UNC79: variants seen among roughly 807,000 people sequenced by gnomAD.
UNC79 encodes the protein unc-79 subunit of NALCN channel complex, also known as protein unc-79 homolog.
A neutral mutation model predicts 283.1 loss-of-function variants in UNC79; 37 were observed. The ratio of observed to expected loss-of-function variants is 0.13; its 90% CI spans 0.10 to 0.17. UNC79 has a LOEUF of 0.17. UNC79 is among the 10% of genes least tolerant of loss of function. The probability of loss-of-function intolerance (pLI) is 1.00; values close to 1 mark genes in which losing one functional copy is unlikely to be tolerated. For synonymous variants in UNC79, 1,107 were observed against 1,200.2 expected, an observed-to-expected ratio of 0.92 and a Z score of 1.61; for missense variants, 2,272 against 3,211.1, an observed-to-expected ratio of 0.71 and a Z score of 7.07.
intron 44 of UNC79, 196 bp from the exon 48 acceptor site, chr14:93,689,921 C>T (rs2140928687): frequency 1.7e-6 from 1 of 591,556 alleles, no homozygotes; most frequent in South Asian, 2.3e-5. Flanking sequence ...TCTCAAGAAG[C>T]TGAGATCCAG....
exon 26 of UNC79, chr14:93,603,410 C>A (rs2065655725): frequency 1.9e-6 from 3 of 1,613,586 alleles, no homozygotes; most frequent in Non-Finnish European, 2.5e-6. Context: ...ACCCTGACCT[C>A]CAAAATTCGT....
chr14:93,419,298 A>T (rs929768280), intron 1 of UNC79, among the ~76,000 whole-genome samples: 14 of 151,094 alleles, frequency 9.3e-5, no homozygotes, highest in South Asian at 4.3e-4. Context: ...CCTCCTGAGT[A>T]GCTGGGATTA....
rs1018355648 is a variant in UNC79 at position 93,690,080 on chromosome 14, C to T, written c.7086-37C>T. 5.6e-6 allele frequency: 9 copies of T among 1,603,344 alleles called. No homozygotes were observed. Among genetic ancestry groups the T allele is most frequent in the Non-Finnish European group, 6.8e-6 (8 of 1,172,812 alleles). ...GTTATGCACCCAATGAAACACAAAA[C>T]ATAAAATCATCTTTAACACTCCTTC... is the stretch of plus-strand genomic sequence containing the variant. On this transcript the variant is annotated intron_variant, in intron 44 of 48. Coordinates refer to ENST00000555664, the Ensembl canonical transcript of UNC79. The surrounding 1 kb of genome is among the most constrained non-coding windows in gnomAD (Gnocchi z 4.3).
chr14:93,651,925 T>A (rs963458838), intron 35 of UNC79, among the ~76,000 whole-genome samples: 2 of 145,748 alleles, frequency 1.4e-5, no homozygotes, highest in African/African-American at 5.0e-5. Flanking sequence ...TTTTTTTTTT[T>A]TTTTTTTTTT....
At chr14:93,559,083 T>C (rs2062383314) in intron 14 of UNC79, among the ~76,000 whole-genome samples, 1 of 152,214 alleles carries the variant, frequency 6.6e-6, no homozygotes, top group Non-Finnish European at 1.5e-5. Flanking sequence ...AATTTGTGAA[T>C]TGGGCAGCCC....
At chr14:93,506,730 T>C (rs1567021019) in intron 7 of UNC79, among the ~76,000 whole-genome samples, 1 of 152,210 alleles carries the variant, frequency 6.6e-6, no homozygotes, top group Admixed American at 6.5e-5. Context: ...CAGGCTTATC[T>C]CTCTTTTGTT....
At chr14:93,598,206 G>A (rs930832676) in intron 24 of UNC79, among the ~76,000 whole-genome samples, 5 of 151,866 alleles carry the variant, frequency 3.3e-5, no homozygotes, top group East Asian at 3.9e-4. Context: ...GCCCAGGCTC[G>A]TCTTGAACTC....
At chr14:93,390,261 G>A (rs2054858134) in intron 1 of UNC79, among the ~76,000 whole-genome samples, 1 of 152,098 alleles carries the variant, frequency 6.6e-6, no homozygotes, top group South Asian at 2.1e-4. Context: ...TTTGATAAAA[G>A]TCAACATATA....
At chr14:93,446,769 A>C (rs1196095474) in intron 1 of UNC79, among the ~76,000 whole-genome samples, 3 of 152,104 alleles carry the variant, frequency 2.0e-5, no homozygotes, top group Non-Finnish European at 4.4e-5. Flanking sequence ...ACTTAATTCT[A>C]TTTTTGTTAG....
chr14:93,530,831 C>A (rs1041882552), intron 10 of UNC79, among the ~76,000 whole-genome samples: 6 of 152,100 alleles, frequency 3.9e-5, no homozygotes, highest in African/African-American at 1.2e-4. Context: ...ATGGCGTGAA[C>A]CTTTGAGGCG....
At chr14:93,603,671 T>C (rs1230117268) in intron 26 of UNC79, among the ~76,000 whole-genome samples, 1 of 152,224 alleles carries the variant, frequency 6.6e-6, no homozygotes, top group Non-Finnish European at 1.5e-5. Flanking sequence ...AGCAAATGCA[T>C]TGATGCTTGG....
chr14:93,381,326 G>A (rs1191924038), intron 1 of UNC79, among the ~76,000 whole-genome samples: 1 of 152,214 alleles, frequency 6.6e-6, no homozygotes, highest in Non-Finnish European at 1.5e-5. Context: ...CCCCCAGAAG[G>A]AGTGTGGGTG....
At chr14:93,511,628 A>G (rs1595702943) in intron 7 of UNC79, among the ~76,000 whole-genome samples, 3 of 151,760 alleles carry the variant, frequency 2.0e-5, no homozygotes, top group African/African-American at 7.3e-5. Flanking sequence ...TTGTATTTTA[A>G]TAGAGACGGG....
chr14:93,465,142 T>C (rs2057119856), intron 1 of UNC79, among the ~76,000 whole-genome samples: 1 of 152,150 alleles, frequency 6.6e-6, no homozygotes, highest in Admixed American at 6.5e-5. Flanking sequence ...TCTTCACTTA[T>C]CAACAATTTA....
intron 41 of UNC79, 49 bp from the exon 45 acceptor site, chr14:93,682,568 T>TA (rs771869880): frequency 2.0e-5 from 29 of 1,469,978 alleles, no homozygotes; most frequent in Non-Finnish European, 2.6e-5. Flanking sequence ...AATTACTTAT[T>TA]AATGTCCAGA....
At chr14:93,565,333 A>G (rs538956528) in intron 14 of UNC79, among the ~76,000 whole-genome samples, 1 of 152,034 alleles carries the variant, frequency 6.6e-6, no homozygotes, top group South Asian at 2.1e-4. Flanking sequence ...CAGCTCTGGG[A>G]CTCTTCAAGT....
rs140192821 is a variant in UNC79, at chr14:93,504,498, CT to C, written c.898+7218del. On this transcript the variant is annotated intron_variant, in intron 7 of 48. Transcript: ENST00000555664. Reference sequence around the variant, plus strand: ...TGGTATATCTCTTCATTTATTTAGGCTTTTTTAAGTTGCCCTCAATCCTTTT... The same window carrying C: ...TGGTATATCTCTTCATTTATTTAGGCTTTTTAAGTTGCCCTCAATCCTTTT... Among the ~76,000 whole-genome samples, 4 of 151,812 alleles carry C rather than the reference CT, an allele frequency of 2.6e-5. No individual in the cohort carries two copies. In the East Asian group the frequency reaches 5.8e-4, roughly 22 times the overall value.
intron 22 of UNC79, among the ~76,000 whole-genome samples, chr14:93,587,364 G>A (rs1297845797): frequency 2.6e-5 from 4 of 152,082 alleles, no homozygotes; most frequent in South Asian, 2.1e-4. Context: ...ATAATAAAAC[G>A]TTACCCTAGA....
intron 45 of UNC79, 183 bp from the exon 49 acceptor site, chr14:93,691,566 G>A: frequency 1.6e-6 from 1 of 642,712 alleles, no homozygotes; most frequent in Non-Finnish European, 2.7e-6. Context: ...TCCCACTGGT[G>A]GAGAAGAGAG....
Sources: allele counts gnomAD v4.1 joint callset (sites outside exome capture counted in the v4.1 genomes callset), GRCh38; gene constraint gnomAD v4.1.1; non-coding constraint Gnocchi (gnomAD v3.1); transcripts MANE v1.5; gene names NCBI Gene and HGNC (gene_info 2026-07-23, HGNC 2026-07-21).